The following CABYR variants were observed in gnomAD, a reference collection of about 807,000 sequenced individuals.
The protein encoded by CABYR is calcium binding tyrosine phosphorylation regulated.
CABYR carries 31 observed loss-of-function variants against 36.1 expected under a neutral mutation model. The observed-to-expected ratio is 0.86, with a 90% CI of 0.64 to 1.16. The LOEUF is 1.16. CABYR is among the 50% of genes most tolerant of loss of function. The pLI is 0.00. For synonymous variants in CABYR, 146 were observed against 160.7 expected (o/e 0.91, Z 0.69); for missense variants, 429 against 455.8 (o/e 0.94, Z 0.53).
intron 3 of CABYR, among the ~76,000 whole-genome samples, chr18:24,146,251 TAAG>T (rs2085455520): frequency 6.6e-6 from 1 of 152,082 alleles, no homozygotes; most frequent in African/African-American, 2.4e-5. Context: ...AACTACAAAA[TAAG>T]AAACATTTAT....
intron 4 of CABYR, chr18:24,156,926 T>A: frequency 6.2e-7 from 1 of 1,613,726 alleles, no homozygotes; most frequent in Non-Finnish European, 8.5e-7. Context: ...TCCCTCCTGC[T>A]CCAGAAGGCC....
intron 3 of CABYR, among the ~76,000 whole-genome samples, chr18:24,144,660 G>A (rs1048230568): frequency 6.6e-6 from 1 of 152,146 alleles, no homozygotes; most frequent in Non-Finnish European, 1.5e-5. Flanking sequence ...TCTACCAGAG[G>A]TAATGGAGAG....
rs1211507900 is a variant in CABYR at position 24,157,207 on chromosome 18, G to A, written c.541+1165G>A. 3.3e-5 allele frequency among the ~76,000 whole-genome samples: 5 copies of A among 152,100 alleles called. No homozygotes were observed. In the East Asian group the frequency reaches 9.6e-4, roughly 29 times the overall value. The stretch of plus-strand genomic sequence containing the variant: ...TTTAAAGTGATGTCCCCAAAGCCTG[G>A]CCTCAGAGTTTGGTCATCTAGCACT... On this transcript the variant is annotated intron_variant, in intron 4 of 5. Coordinates refer to ENST00000399496, the MANE Select transcript of CABYR (RefSeq NM_153769.3).
intron 3 of CABYR, among the ~76,000 whole-genome samples, chr18:24,148,338 G>A (rs542599904): frequency 9.2e-5 from 14 of 152,262 alleles, no homozygotes; most frequent in Admixed American, 3.9e-4. Flanking sequence ...GAGAACCAGT[G>A]TGCCATTAGT....
At chr18:24,158,738 T>A (rs920885014) in intron 4 of CABYR, among the ~76,000 whole-genome samples, 1 of 152,196 alleles carries the variant, frequency 6.6e-6, no homozygotes. Flanking sequence ...GGGAACCTTT[T>A]GTCCGAGGGC....
rs11320479 is a variant in CABYR at position 24,143,022 on chromosome 18, CAAAAAAAAA to C, written c.-24-57_-24-49del. 4.3e-6 allele frequency: 3 copies of C among 699,998 alleles called. No individual in the cohort carries two copies. In the African/African-American group the frequency reaches 7.7e-5, roughly 18 times the overall value. 43.4% of individuals were successfully genotyped at this position (699,998 alleles called of 1,614,324 possible). ...CACTCCAGCCTGGGTGACAGAGTCT[CAAAAAAAAA>C]AAAAAAAAAAACCTATTTTAGTAAA... On this transcript the variant is annotated intron_variant, in intron 1 of 5. Transcript: ENST00000399496.
At chr18:24,152,872 G>A (rs2085676214) in intron 3 of CABYR, 1 of 152,184 alleles carries the variant, frequency 6.6e-6, no homozygotes, top group African/African-American at 2.4e-5. Flanking sequence ...GGGAAAATAG[G>A]GAGGCCTTGA....
chr18:24,141,237 ATG>A (rs2085314104), intron 1 of CABYR, among the ~76,000 whole-genome samples: 1 of 152,192 alleles, frequency 6.6e-6, no homozygotes, highest in African/African-American at 2.4e-5. Flanking sequence ...GGAAGATGAG[ATG>A]TGTTTTTAAG....
chr18:24,151,324 T>A (rs1005320722), intron 3 of CABYR, among the ~76,000 whole-genome samples: 1 of 152,234 alleles, frequency 6.6e-6, no homozygotes, highest in East Asian at 1.9e-4. Flanking sequence ...TGCCTTTAGT[T>A]ATGTTCCTAA....
rs1555781278 is a variant in CABYR, at chr18:24,147,272, A to AAAAAAAAAAG, written c.199+3859_199+3860insAAAAAAAAAG. Among the ~76,000 whole-genome samples the AAAAAAAAAAG allele has an allele frequency of 2.2e-5, 3 of 137,460 alleles. 1 individual carries two copies. Among genetic ancestry groups the AAAAAAAAAAG allele is most frequent in the Non-Finnish European group, 3.2e-5 (2 of 63,238 alleles). The allele number at this position is 137,460 out of a possible 152,430, so 90.2% of individuals were successfully genotyped here. A position where few individuals can be genotyped will look rare whatever the true frequency, so the allele number is the denominator to read the frequency against. On this transcript the variant is annotated intron_variant, in intron 3 of 5. Transcript: ENST00000399496. Reference sequence around the variant, plus strand: ...TGTCTCAAAAAAAAAAAAAAAAAAAAGCCTATAGGCAAGTGAGGAATACAA... The same window carrying AAAAAAAAAAG: ...TGTCTCAAAAAAAAAAAAAAAAAAAAAAAAAAAAAGGCCTATAGGCAAGTGAGGAATACAA...
At chr18:24,157,060 A>C (rs1371903814) in intron 4 of CABYR, 3 of 1,316,610 alleles carry the variant, frequency 2.3e-6, no homozygotes, top group African/African-American at 1.5e-5. Flanking sequence ...TATTTCAGGT[A>C]GCCATCTCTG....
At position 24,159,917 on chromosome 18, in the gene CABYR, T is replaced by C. The variant is rs376510704; in HGVS notation, c.987T>C (p.Pro329=). 3.7e-6 allele frequency: 6 copies of C among 1,614,082 alleles called. No individual in the cohort carries two copies. The African/African-American group carries it at 5.3e-5, about 14-fold the overall frequency. ...AAGATGTCCCCAGGCCAAAAAGCCC[T>C]GTTTTCCTTTCTGTTGCTTTCCCAG... ...SGQDVPRPKS[P]VFLSVAFPVE... is the part of the protein sequence containing the mutation. The change falls in exon 5 of 6, where the codon CCT becomes CCC. Residue 329 remains proline, a synonymous_variant. Coordinates refer to ENST00000399496, the MANE Select transcript of CABYR (RefSeq NM_153769.3).
At chr18:24,146,308 C>G (rs2085456706) in intron 3 of CABYR, among the ~76,000 whole-genome samples, 1 of 151,988 alleles carries the variant, frequency 6.6e-6, no homozygotes, top group African/African-American at 2.4e-5. Flanking sequence ...TATTAGAAGA[C>G]AGAATTAGGA....
intron 3 of CABYR, among the ~76,000 whole-genome samples, chr18:24,148,027 T>C (rs2085501278): frequency 6.6e-6 from 1 of 152,230 alleles, no homozygotes; most frequent in Non-Finnish European, 1.5e-5. Flanking sequence ...CCAGGTGTTA[T>C]GCCTGTGTTT....
chr18:24,155,299 T>C (rs56846588), intron 3 of CABYR, among the ~76,000 whole-genome samples: 3,250 of 152,296 alleles, frequency 0.021, 130 homozygotes, highest in African/African-American at 0.075. Flanking sequence ...TAGGATGATA[T>C]CTGATTATTA....
rs2085897598 is a variant in CABYR at position 24,159,756 on chromosome 18, C to T, written c.826C>T (p.Leu276Phe). 1.9e-6 allele frequency: 3 copies of T among 1,614,036 alleles called. No homozygotes were observed. The highest frequency in any genetic ancestry group is 1.3e-5 in the African/African-American group (1 of 74,990). Residue 276 changes from leucine to phenylalanine, a missense_variant, in exon 5 of 6, where the codon CTT becomes TTT. By Grantham distance (22) the Leu-to-Phe change is conservative (BLOSUM62 0). Coordinates refer to ENST00000399496, the MANE Select transcript of CABYR (RefSeq NM_153769.3). ...TCAGGAAGCACAGGGATGGAAACCTCTTCCTGGACATGCTGTCGTTTCACA... is the reference window on the plus strand; with the variant it reads ...TCAGGAAGCACAGGGATGGAAACCTTTTCCTGGACATGCTGTCGTTTCACA... The part of the protein sequence containing the change: ...NVQEAQGWKP[L>F]PGHAVVSQSD...
Position 24,143,130 on chromosome 18 carries a change from C to T in CABYR, c.16C>T (p.Pro6Ser), listed in dbSNP as rs755863027. 6 of 1,610,192 alleles carry T rather than the reference C, an allele frequency of 3.7e-6. No homozygotes were observed. The South Asian group carries it at 6.7e-5, about 18-fold the overall frequency. ...TCCTGCCAAAATGATTTCTTCAAAGCCCAGACTTGTCGTACCCTATGGCCT... is the reference window on the plus strand; with the variant it reads ...TCCTGCCAAAATGATTTCTTCAAAGTCCAGACTTGTCGTACCCTATGGCCT... MISSK[P>S]RLVVPYGLKT... Residue 6 changes from proline (P) to serine (S), a missense_variant, in exon 2 of 6, where the codon CCC becomes TCC. Coordinates refer to ENST00000399496, the MANE Select transcript of CABYR (RefSeq NM_153769.3).
rs532020407 is a variant in CABYR, at chr18:24,160,087, C to T, written c.1139+18C>T. The T allele has an allele frequency of 5.1e-6, 8 of 1,559,132 alleles. No homozygotes were observed. Among genetic ancestry groups the T allele is most frequent in the Non-Finnish European group, 7.0e-6 (8 of 1,138,738 alleles). ...GAAAACTGGTAGGTACACTTTCCTA[C>T]CATAATATTTAGGCCTTAACACACG... On this transcript the variant is annotated intron_variant, in intron 5 of 5. Coordinates refer to ENST00000399496, the MANE Select transcript of CABYR (RefSeq NM_153769.3).
intron 4 of CABYR, among the ~76,000 whole-genome samples, chr18:24,158,984 G>A (rs2085873286): frequency 6.6e-6 from 1 of 152,150 alleles, no homozygotes; most frequent in Non-Finnish European, 1.5e-5. Flanking sequence ...ACAAATTAAT[G>A]GGAGATAATG....
Sources: allele counts gnomAD v4.1 joint callset (sites outside exome capture counted in the v4.1 genomes callset), GRCh38; gene constraint gnomAD v4.1.1; transcripts MANE v1.5; gene names NCBI Gene and HGNC (gene_info 2026-07-23, HGNC 2026-07-21).